Variants in BICRA observed in about 807,000 individuals in gnomAD.
The protein encoded by BICRA is BRD4-interacting chromatin-remodeling complex-associated protein.
BICRA carries 31 observed loss-of-function variants against 96.9 expected under a neutral mutation model. The ratio of observed to expected loss-of-function variants is 0.32; its 90% CI spans 0.24 to 0.43. The LOEUF (loss-of-function observed/expected upper bound fraction) is 0.43. Ranked by LOEUF, BICRA falls within the 20% of genes least tolerant of loss-of-function variation. BICRA has a pLI of 1.00. For missense variants in BICRA, 2,283 were observed against 2,190.3 expected (o/e 1.04, Z -0.84); for synonymous variants, 1,350 against 1,071.8 (o/e 1.26, Z -5.07).
At chr19:47,628,027 C>T (rs543558428) in intron 1 of BICRA, among the ~76,000 whole-genome samples, 3 of 152,234 alleles carry the variant, frequency 2.0e-5, no homozygotes, top group South Asian at 2.1e-4. Context: ...GTCAGCTCCT[C>T]GAAGTGGTGG....
rs1973501207 is a variant in BICRA at position 47,703,246 on chromosome 19, AAT to A, written c.*832_*833del. The A allele has an allele frequency of 6.6e-6, 1 of 152,496 alleles. No homozygotes were observed. The highest frequency in any genetic ancestry group is 2.4e-5 in the African/African-American group (1 of 41,392). The allele number at this position is 152,496 out of a possible 1,614,324, so 9.4% of individuals were successfully genotyped here. A position where few individuals can be genotyped will look rare whatever the true frequency, so the allele number is the denominator to read the frequency against. On this transcript the variant is annotated 3_prime_UTR_variant, in exon 15 of 15. Transcript: ENST00000594866. ...ATTCTGTACATTTAGAACTCTTGTAAATTAAAAACCGATCCTTTTTTTAAAAC... is the reference window on the plus strand; with the variant it reads ...ATTCTGTACATTTAGAACTCTTGTAATAAAAACCGATCCTTTTTTTAAAAC...
rs1427300931 is a variant in BICRA, at chr19:47,681,240, C to A, written c.2070C>A (p.Ile690=). ...GQPPSATPTA[I]LTQDSLQMFL... is the part of the protein sequence containing the mutation. ...CGCCCTCTGCCACCCCCACGGCCATCCTCACTCAGGACTCCCTGCAGATGT... is the reference window on the plus strand; with the variant it reads ...CGCCCTCTGCCACCCCCACGGCCATACTCACTCAGGACTCCCTGCAGATGT... Residue 690 remains isoleucine (I), a synonymous_variant, in exon 6 of 15, where the codon ATC becomes ATA. Coordinates refer to ENST00000594866, the MANE Select transcript of BICRA (RefSeq NM_001394372.1). 1 of 1,538,042 alleles carries A rather than the reference C, an allele frequency of 6.5e-7. No homozygotes were observed. Among genetic ancestry groups the A allele is most frequent in the Non-Finnish European group, 8.7e-7 (1 of 1,147,760 alleles).
intron 1 of BICRA, among the ~76,000 whole-genome samples, chr19:47,641,917 A>T (rs1488163542): frequency 6.6e-6 from 1 of 151,972 alleles, no homozygotes; most frequent in African/African-American, 2.4e-5. Context: ...CAGATCTTTC[A>T]CTTCCTTGGT....
In BICRA at chr19:47,681,229, C is replaced by A; in HGVS notation, c.2059C>A (p.Pro687Thr). Reference sequence around the variant, plus strand: ...CCTGGGGCAGCCGCCCTCTGCCACCCCCACGGCCATCCTCACTCAGGACTC... The same window carrying A: ...CCTGGGGCAGCCGCCCTCTGCCACCACCACGGCCATCCTCACTCAGGACTC... ...IVLGQPPSAT[P>T]TAILTQDSLQ... is the part of the protein sequence containing the mutation. The change falls in exon 6 of 15, where the codon CCC (proline) becomes ACC (threonine). Residue 687 changes from proline (P) to threonine (T), a missense_variant. Pro to Thr is a conservative substitution (Grantham distance 38). Coordinates refer to ENST00000594866, the MANE Select transcript of BICRA (RefSeq NM_001394372.1). 1 of 1,536,958 alleles carries A rather than the reference C, an allele frequency of 6.5e-7. No homozygotes were observed. Among genetic ancestry groups the A allele is most frequent in the South Asian group, 1.2e-5 (1 of 84,112 alleles).
intron 1 of BICRA, among the ~76,000 whole-genome samples, chr19:47,617,745 C>T (rs1397635012): frequency 1.3e-5 from 2 of 149,906 alleles, no homozygotes; most frequent in Admixed American, 6.8e-5. Flanking sequence ...TAACCATCAC[C>T]AGCTTCTGCA....
At chr19:47,668,673 GA>G (rs1470245228) in intron 1 of BICRA, among the ~76,000 whole-genome samples, 4 of 151,894 alleles carry the variant, frequency 2.6e-5, no homozygotes, top group Non-Finnish European at 5.9e-5. Context: ...ATTTTTAGTA[GA>G]GACTAAAGGG....
At position 47,680,952 on chromosome 19, in the gene BICRA, C is replaced by A; in HGVS notation, c.1782C>A (p.Ala594=). Residue 594 remains alanine, a synonymous_variant, in exon 6 of 15, where the codon GCC becomes GCA. Coordinates refer to ENST00000594866, the MANE Select transcript of BICRA (RefSeq NM_001394372.1). ...TCACCCTGCCCCCCAGCGCCGTGGC[C>A]ATGCTCAACACCCCCGACGGCCTGG... ...QGVTLPPSAV[A]MLNTPDGLVQ... 6.7e-7 allele frequency: 1 copy of A among 1,482,062 alleles called. No individual in the cohort carries two copies. The highest frequency in any genetic ancestry group is 2.8e-5 in the East Asian group (1 of 36,142). 91.8% of individuals were successfully genotyped at this position (1,482,062 alleles called of 1,614,324 possible).
intron 7 of BICRA, among the ~76,000 whole-genome samples, chr19:47,683,313 A>G (rs1243913673): frequency 6.6e-6 from 1 of 151,828 alleles, no homozygotes; most frequent in South Asian, 2.1e-4. Context: ...AACTTGGCCA[A>G]TCTAGATAGG....
chr19:47,666,197 C>A (rs1389630693), intron 1 of BICRA, among the ~76,000 whole-genome samples: 1 of 152,182 alleles, frequency 6.6e-6, no homozygotes, highest in Non-Finnish European at 1.5e-5. Flanking sequence ...GGGATGGGAG[C>A]CTCAGAATCA....
At chr19:47,610,904 T>C (rs1026167977) in intron 1 of BICRA, among the ~76,000 whole-genome samples, 3 of 152,070 alleles carry the variant, frequency 2.0e-5, no homozygotes, top group Admixed American at 6.6e-5. Context: ...CATGTTGACC[T>C]CCCTTGCCTT....
At chr19:47,656,636 G>T (rs1972623053) in intron 1 of BICRA, among the ~76,000 whole-genome samples, 1 of 152,122 alleles carries the variant, frequency 6.6e-6, no homozygotes, top group South Asian at 2.1e-4. Flanking sequence ...GCTTTACTGG[G>T]TTCTAATTTA....
chr19:47,634,950 G>C (rs1237696216), intron 1 of BICRA, among the ~76,000 whole-genome samples: 1 of 151,840 alleles, frequency 6.6e-6, no homozygotes, highest in African/African-American at 2.4e-5. Context: ...TTTTAGTAGA[G>C]ATGGGGTTTC....
At chr19:47,627,961 G>T (rs945055020) in intron 1 of BICRA, among the ~76,000 whole-genome samples, 1 of 152,138 alleles carries the variant, frequency 6.6e-6, no homozygotes, top group African/African-American at 2.4e-5. Context: ...GTAGAGACGG[G>T]ATTTCTTCAT....
intron 1 of BICRA, among the ~76,000 whole-genome samples, chr19:47,652,427 G>T (rs1391637550): frequency 1.3e-5 from 2 of 152,130 alleles, no homozygotes; most frequent in Admixed American, 6.6e-5. Flanking sequence ...GGGCCCAAGT[G>T]ATCCTGCTCT....
intron 7 of BICRA, among the ~76,000 whole-genome samples, chr19:47,689,676 A>G (rs1057238878): frequency 7.3e-4 from 52 of 71,534 alleles, no homozygotes; most frequent in South Asian, 3.2e-3. Context: ...CTCCCAAAGT[A>G]CTGGGATTAT....
chr19:47,625,716 C>G (rs1972130122), intron 1 of BICRA, among the ~76,000 whole-genome samples: 1 of 152,002 alleles, frequency 6.6e-6, no homozygotes, highest in Non-Finnish European at 1.5e-5. Context: ...GGGTTGGGCT[C>G]AGAAGTGAAG....
At position 47,654,416 on chromosome 19, in the gene BICRA, TA is replaced by T. The variant is rs956013810; in HGVS notation, c.-107-16015del. On this transcript the variant is annotated intron_variant, in intron 1 of 14. Coordinates refer to ENST00000594866, the MANE Select transcript of BICRA (RefSeq NM_001394372.1). The stretch of plus-strand genomic sequence containing the variant: ...ACTGCAATAGTCCTGCCCAAGAAAT[TA>T]AAAAAAAAAAATCAACCTGTTTACT... Among the ~76,000 whole-genome samples, 354 of 146,838 alleles carry T rather than the reference TA, an allele frequency of 2.4e-3. 3 individuals carry two copies. The highest frequency in any genetic ancestry group is 4.3e-3 in the East Asian group (22 of 5,100).
chr19:47,699,247 C>G lies in BICRA; in HGVS notation c.3493-56C>G. ...TTGCACGCATCGTCCCCGTCGCTCG[C>G]GCCCCTTCCCCCTTCTTGCTGGTTC... On this transcript the variant is annotated intron_variant, in intron 13 of 14. Coordinates refer to ENST00000594866, the MANE Select transcript of BICRA (RefSeq NM_001394372.1). This position sits in a 1 kb window ranked among gnomAD's most constrained non-coding sequence, Gnocchi z 5.0. 9.6e-7 allele frequency: 1 copy of G among 1,042,272 alleles called. No homozygotes were observed. Among genetic ancestry groups the G allele is most frequent in the East Asian group, 2.6e-5 (1 of 38,608 alleles). The allele number at this position is 1,042,272 out of a possible 1,614,324, so 64.6% of individuals were successfully genotyped here.
intron 7 of BICRA, among the ~76,000 whole-genome samples, chr19:47,689,007 T>TAG (rs1568574355): frequency 6.6e-6 from 1 of 151,922 alleles, no homozygotes; most frequent in East Asian, 2.0e-4. Context: ...TTTGTATTTT[T>TAG]AGAGAGACGA....
Sources: allele counts gnomAD v4.1 joint callset (sites outside exome capture counted in the v4.1 genomes callset), GRCh38; gene constraint gnomAD v4.1.1; non-coding constraint Gnocchi (gnomAD v3.1); transcripts MANE v1.5; gene names NCBI Gene and HGNC (gene_info 2026-07-23, HGNC 2026-07-21).